STPG2: variants seen among roughly 807,000 people sequenced by gnomAD.
STPG2 encodes the protein sperm tail PG-rich repeat containing 2, also known as sperm-tail PG-rich repeat-containing protein 2.
STPG2 carries 56 observed loss-of-function variants against 54.2 expected under a neutral mutation model. The ratio of observed to expected loss-of-function variants is 1.03; its 90% CI spans 0.83 to 1.29. The LOEUF (loss-of-function observed/expected upper bound fraction) is 1.29. Among genes scored for constraint, STPG2 ranks in the 50% most tolerant of loss-of-function variants. The pLI is 0.00. For missense variants in STPG2, 596 were observed against 544.9 expected (o/e 1.09, Z -0.93); for synonymous variants, 200 against 181.8 (o/e 1.10, Z -0.81).
intron 5 of STPG2, among the ~76,000 whole-genome samples, chr4:98,091,404 G>A (rs1246959209): frequency 1.3e-5 from 2 of 151,970 alleles, no homozygotes; most frequent in Admixed American, 6.6e-5. Context: ...ACACCTTCGT[G>A]GCTTTACAAA....
At chr4:97,722,964 ATTTTTT>A (rs3974903) in intron 9 of STPG2, among the ~76,000 whole-genome samples, 1 of 116,366 alleles carries the variant, frequency 8.6e-6, no homozygotes, top group Non-Finnish European at 1.7e-5. Context: ...CACCCGGCTA[ATTTTTT>A]TTTTTTTTTT....
At position 97,779,370 on chromosome 4, in the gene STPG2, G is replaced by C. The variant is rs139345433; in HGVS notation, c.1204+61403C>G. On this transcript the variant is annotated intron_variant, in intron 9 of 10. Transcript: ENST00000295268. ...AAATGAATGAAATGAAGTGAGAAGA[G>C]AAGTTTAGAGAAAAAAAGGGTAAAA... Among the ~76,000 whole-genome samples the C allele has an allele frequency of 8.1e-3, 1,233 of 152,212 alleles. 16 individuals are homozygous for C. Among genetic ancestry groups the C allele is most frequent in the African/African-American group, 0.028 (1,166 of 41,526 alleles).
intron 5 of STPG2, among the ~76,000 whole-genome samples, chr4:98,070,165 G>A (rs1360971285): frequency 3.3e-5 from 5 of 151,772 alleles, no homozygotes; most frequent in African/African-American, 7.3e-5. Flanking sequence ...AAAGCTTATC[G>A]ACCACAATCA....
chr4:97,559,975 TCCA>T (rs1213708368), intron 10 of STPG2, among the ~76,000 whole-genome samples: 2 of 152,182 alleles, frequency 1.3e-5, no homozygotes, highest in Non-Finnish European at 2.9e-5. Context: ...TCATTTGTCC[TCCA>T]CAAGTCTCAA....
rs544907451 is a variant in STPG2, at chr4:97,942,830, C to A, written c.1044+1067G>T. On this transcript the variant is annotated intron_variant, in intron 8 of 10. Coordinates refer to ENST00000295268, the MANE Select transcript of STPG2 (RefSeq NM_174952.3). ...TTCATTGATTAGCTACATTTTAAAC[C>A]TTGTTTAATAATCCTGTTTTGAAAT... 3.3e-4 allele frequency among the ~76,000 whole-genome samples: 50 copies of A among 152,196 alleles called. 1 individual carries two copies. The highest frequency in any genetic ancestry group is 1.2e-3 in the African/African-American group (49 of 41,546).
intron 4 of STPG2, among the ~76,000 whole-genome samples, chr4:97,525,597 C>T (rs188473606): frequency 3.2e-4 from 48 of 152,004 alleles, no homozygotes; most frequent in African/African-American, 7.2e-4. Flanking sequence ...TATTAAACAA[C>T]GTAATATTCA....
chr4:97,549,710 T>C (rs1731923413), intron 4 of STPG2, among the ~76,000 whole-genome samples: 1 of 152,084 alleles, frequency 6.6e-6, no homozygotes, highest in Non-Finnish European at 1.5e-5. Flanking sequence ...GAAGGTCATG[T>C]AAAGATGGAA....
chr4:97,458,433 CATAAT>C (rs1180484978), intron 4 of STPG2, among the ~76,000 whole-genome samples: 2 of 152,004 alleles, frequency 1.3e-5, no homozygotes, highest in African/African-American at 2.4e-5. Flanking sequence ...TTCTCAAACT[CATAAT>C]GAAATGAAAG....
chr4:97,465,140 A>T (rs1045683138), intron 4 of STPG2, among the ~76,000 whole-genome samples: 1 of 152,278 alleles, frequency 6.6e-6, no homozygotes, highest in Non-Finnish European at 1.5e-5. Flanking sequence ...CTTTCTAATT[A>T]CCAGGCTAGT....
At chr4:98,003,963 CTAAT>C (rs1735495029) in intron 5 of STPG2, among the ~76,000 whole-genome samples, 1 of 152,082 alleles carries the variant, frequency 6.6e-6, no homozygotes, top group African/African-American at 2.4e-5. Context: ...AATAATCAAG[CTAAT>C]TAACATGTAC....
chr4:97,740,259 A>G (rs1290051870), intron 9 of STPG2, among the ~76,000 whole-genome samples: 2 of 152,232 alleles, frequency 1.3e-5, no homozygotes, highest in Non-Finnish European at 2.9e-5. Context: ...CCAATATCAC[A>G]CTGAATGGGC....
chr4:97,956,301 T>C (rs1016099072), intron 7 of STPG2, among the ~76,000 whole-genome samples: 1 of 152,060 alleles, frequency 6.6e-6, no homozygotes. Context: ...AAAAATGTAA[T>C]ATTGATGAAA....
chr4:98,097,519 T>C (rs1738895415), intron 5 of STPG2, among the ~76,000 whole-genome samples: 1 of 152,136 alleles, frequency 6.6e-6, no homozygotes, highest in Admixed American at 6.5e-5. Flanking sequence ...TCAGTCAATA[T>C]CATACTGAAT....
chr4:97,793,323 C>A (rs1268516450), intron 9 of STPG2, among the ~76,000 whole-genome samples: 1 of 151,188 alleles, frequency 6.6e-6, no homozygotes, highest in Non-Finnish European at 1.5e-5. Context: ...AGAATTTTAG[C>A]ACCATGAAAG....
intron 8 of STPG2, among the ~76,000 whole-genome samples, chr4:97,855,417 G>C (rs968401818): frequency 2.0e-5 from 3 of 152,088 alleles, no homozygotes; most frequent in African/African-American, 7.2e-5. Flanking sequence ...CTTCTCTAAT[G>C]ATCAGTGAGG....
At chr4:97,907,749 G>C (rs1452088889) in intron 8 of STPG2, among the ~76,000 whole-genome samples, 2 of 152,102 alleles carry the variant, frequency 1.3e-5, no homozygotes, top group Non-Finnish European at 2.9e-5. Flanking sequence ...ACAAACCTCA[G>C]AAAAACAAGC....
intron 9 of STPG2, among the ~76,000 whole-genome samples, chr4:97,836,369 GT>G (rs144752839): frequency 1.3e-5 from 2 of 151,614 alleles, no homozygotes; most frequent in African/African-American, 4.8e-5. Flanking sequence ...ATTGTTAGCA[GT>G]TTTTTTTAGC....
intron 3 of STPG2, among the ~76,000 whole-genome samples, chr4:98,114,753 A>ATTT (rs33980852): frequency 6.9e-6 from 1 of 145,948 alleles, no homozygotes; most frequent in African/African-American, 2.5e-5. Context: ...AATAATATCC[A>ATTT]TTTTTTTTTT....
intron 7 of STPG2, among the ~76,000 whole-genome samples, chr4:97,955,188 G>A (rs939239529): frequency 1.0e-4 from 15 of 149,298 alleles, no homozygotes; most frequent in Non-Finnish European, 1.6e-4. Context: ...TAGCATGAAA[G>A]CAAAAAAAGT....
Sources: gnomAD v4.1 joint callset for allele counts (sites outside exome capture counted in the v4.1 genomes callset) on GRCh38, gnomAD v4.1.1 for gene constraint, MANE v1.5 for transcripts, NCBI Gene and HGNC (gene_info 2026-07-23, HGNC 2026-07-21) for gene names.